Variants in SLC27A1 observed in about 807,000 individuals in gnomAD.
SLC27A1 encodes long-chain fatty acid transport protein 1.
SLC27A1 carries 61 observed loss-of-function variants against 62.2 expected under a neutral mutation model. The ratio of observed to expected loss-of-function variants is 0.98; its 90% CI spans 0.80 to 1.21. The LOEUF (loss-of-function observed/expected upper bound fraction) is 1.21, where lower values mean the gene tolerates loss of function less well. Ranked by LOEUF, SLC27A1 falls within the 50% of genes most tolerant of loss-of-function variation. The pLI is 0.00. For missense variants in SLC27A1, 903 were observed against 932.1 expected (o/e 0.97, Z 0.41); for synonymous variants, 435 against 408.6 (o/e 1.06, Z -0.78).
rs771466882 is a variant in SLC27A1 at position 17,488,863 on chromosome 19, A to T, written c.810A>T (p.Ala270=). The T allele has an allele frequency of 5.0e-6, 8 of 1,613,716 alleles. No homozygotes were observed. In the South Asian group the frequency reaches 7.7e-5, roughly 16 times the overall value. ...IVVHSRYYRM[A]AFGHHAYRMQ... is the part of the protein sequence containing the mutation. ...CCCCCTGCAGGTACTACCGCATGGC[A>T]GCCTTCGGCCACCACGCCTACCGCA... is the stretch of plus-strand genomic sequence containing the variant. Residue 270 remains alanine (A), a synonymous_variant, in exon 5 of 12, where the codon GCA becomes GCT. Coordinates refer to ENST00000252595, the MANE Select transcript of SLC27A1 (RefSeq NM_198580.3).
intron 6 of SLC27A1, 64 bp downstream of exon 6, chr19:17,489,181 T>G: frequency 7.2e-7 from 1 of 1,380,664 alleles, no homozygotes; most frequent in Non-Finnish European, 1.0e-6. Context: ...CCCCTCCCAA[T>G]CAGGCCCCAC....
intron 6 of SLC27A1, among the ~76,000 whole-genome samples, chr19:17,490,578 CCCTCCCCA>C (rs952855701): frequency 7.9e-5 from 12 of 152,070 alleles, no homozygotes; most frequent in African/African-American, 7.2e-5. Flanking sequence ...CCTGTCCTGC[CCCTCCCCA>C]CCTCCCCACA....
At chr19:17,496,257 T>C (rs771189182) in intron 6 of SLC27A1, 2 of 152,230 alleles carry the variant, frequency 1.3e-5, no homozygotes, top group Non-Finnish European at 2.9e-5. Context: ...CTCGTTCCAG[T>C]TCCTTACCAT....
Position 17,486,495 on chromosome 19 carries a change from G to T in SLC27A1, c.168-68G>T. On this transcript the variant is annotated intron_variant, in intron 1 of 11. Transcript: ENST00000252595. This position sits in a 1 kb window ranked among gnomAD's most constrained non-coding sequence, Gnocchi z 6.6. The stretch of plus-strand genomic sequence containing the variant: ...TGCCCTGGGGTCCTCCAGCGGGGAG[G>T]CTGAGGCTCCCAGAGGCCAGGCGGG... 1.3e-6 allele frequency: 2 copies of T among 1,482,596 alleles called. No homozygotes were observed. The highest frequency in any genetic ancestry group is 2.2e-5 in the Admixed American group (1 of 46,256). 91.8% of individuals were successfully genotyped at this position (1,482,596 alleles called of 1,614,324 possible).
At chr19:17,488,200 A>G (rs992716036) in intron 4 of SLC27A1, among the ~76,000 whole-genome samples, 2 of 152,148 alleles carry the variant, frequency 1.3e-5, no homozygotes, top group East Asian at 3.9e-4. Context: ...CTCTACTAAA[A>G]ATACAAAAAT....
At chr19:17,494,072 G>A (rs1314415926) in intron 6 of SLC27A1, among the ~76,000 whole-genome samples, 1 of 148,822 alleles carries the variant, frequency 6.7e-6, no homozygotes, top group African/African-American at 2.5e-5. Flanking sequence ...AGGCTGGAGT[G>A]CAGTGGCGCA....
At chr19:17,483,541 G>C (rs2075200644) in intron 1 of SLC27A1, among the ~76,000 whole-genome samples, 1 of 152,048 alleles carries the variant, frequency 6.6e-6, no homozygotes, top group African/African-American at 2.4e-5. Flanking sequence ...CCTTCTAGGG[G>C]CTTCCAGGGT....
rs540037892 is a variant in SLC27A1 at position 17,470,921 on chromosome 19, T to C, written c.167+214T>C. 9.2e-4 allele frequency among the ~76,000 whole-genome samples: 137 copies of C among 148,936 alleles called. 2 individuals are homozygous for C. Among genetic ancestry groups the C allele is most frequent in the East Asian group, 4.0e-4 (2 of 4,986 alleles). Reference sequence around the variant, plus strand: ...TCTGAGGGGGCTACAGGGGACACTTTAAGGATTTCTCGAGGAAGATGAGTA... The same window carrying C: ...TCTGAGGGGGCTACAGGGGACACTTCAAGGATTTCTCGAGGAAGATGAGTA... On this transcript the variant is annotated intron_variant, in intron 1 of 11. Transcript: ENST00000252595.
chr19:17,488,817 T>G (rs1434621757), intron 4 of SLC27A1, 31 bp from the exon 5 acceptor site: 1 of 1,601,308 alleles, frequency 6.2e-7, no homozygotes, highest in Admixed American at 1.7e-5. Flanking sequence ...GGTCCCAGCC[T>G]CTGCCCTCCC....
At chr19:17,480,189 G>A (rs373592781) in intron 1 of SLC27A1, among the ~76,000 whole-genome samples, 4 of 150,916 alleles carry the variant, frequency 2.7e-5, no homozygotes, top group South Asian at 2.1e-4. Flanking sequence ...CACCATATCC[G>A]GCTAATTTTT....
intron 1 of SLC27A1, among the ~76,000 whole-genome samples, chr19:17,472,568 C>G (rs1007680658): frequency 3.3e-5 from 5 of 151,950 alleles, no homozygotes; most frequent in African/African-American, 1.2e-4. Flanking sequence ...ACTCCGTCGC[C>G]CAGGCTGGAG....
intron 1 of SLC27A1, chr19:17,484,146 TGAAG>T (rs920058338): frequency 2.6e-5 from 4 of 151,146 alleles, no homozygotes; most frequent in Non-Finnish European, 4.4e-5. Flanking sequence ...CCTGAATGAA[TGAAG>T]GAAGGAGGGA....
At chr19:17,498,358 G>C (rs913318138) in intron 7 of SLC27A1, 2 of 152,182 alleles carry the variant, frequency 1.3e-5, no homozygotes, top group African/African-American at 4.8e-5. Flanking sequence ...AACAGAGTGA[G>C]ACTCTGTGTC....
At position 17,488,914 on chromosome 19, in the gene SLC27A1, C is replaced by A; in HGVS notation, c.861C>A (p.Asp287Glu). ...YRMQAADVLY[D>E]CLPLYHSAGN... is the part of the protein sequence containing the mutation. ...TGCAGGCGGCTGACGTGCTCTATGA[C>A]TGCCTGCCCCTGTACCACTCGGCAG... The change falls in exon 5 of 12, where the codon GAC (aspartate) becomes GAA (glutamate). Residue 287 changes from aspartate (D) to glutamate (E), a missense_variant. Asp to Glu is a conservative substitution (Grantham distance 45). Coordinates refer to ENST00000252595, the MANE Select transcript of SLC27A1 (RefSeq NM_198580.3). 6.2e-7 allele frequency: 1 copy of A among 1,614,152 alleles called. No individual in the cohort carries two copies.
Position 17,486,868 on chromosome 19 carries a change from T to C in SLC27A1, c.473T>C (p.Leu158Pro). 1.9e-6 allele frequency: 3 copies of C among 1,586,942 alleles called. No individual in the cohort carries two copies. The highest frequency in any genetic ancestry group is 2.6e-6 in the Non-Finnish European group (3 of 1,173,518). Residue 158 changes from leucine (L) to proline (P), a missense_variant, in exon 2 of 12, where the codon CTC (leucine) becomes CCC (proline). Physicochemically the swap from Leu to Pro is moderately conservative, Grantham distance 98 (BLOSUM62 -3). Coordinates refer to ENST00000252595, the MANE Select transcript of SLC27A1 (RefSeq NM_198580.3). This position sits in a 1 kb window ranked among gnomAD's most constrained non-coding sequence, Gnocchi z 6.6. ...AAGGCGGGCATGGAGGCCGCGCTGCTCAACGTGAACCTGCGGCGCGAGCCC... is the reference window on the plus strand; with the variant it reads ...AAGGCGGGCATGGAGGCCGCGCTGCCCAACGTGAACCTGCGGCGCGAGCCC... ...LAKAGMEAAL[L>P]NVNLRREPLA... is the part of the protein sequence containing the mutation.
At chr19:17,485,668 A>G (rs565679752) in intron 1 of SLC27A1, among the ~76,000 whole-genome samples, 5 of 151,896 alleles carry the variant, frequency 3.3e-5, no homozygotes, top group Non-Finnish European at 5.9e-5. Flanking sequence ...CGTCTCTACT[A>G]AAAATACAAA....
At chr19:17,481,564 C>T (rs915358151) in intron 1 of SLC27A1, among the ~76,000 whole-genome samples, 2 of 152,118 alleles carry the variant, frequency 1.3e-5, no homozygotes, top group Admixed American at 6.6e-5. Flanking sequence ...AGTGCAGTGA[C>T]ACAATCTCGG....
chr19:17,484,382 G>A (rs2075208531), intron 1 of SLC27A1, among the ~76,000 whole-genome samples: 1 of 152,188 alleles, frequency 6.6e-6, no homozygotes, highest in Non-Finnish European at 1.5e-5. Context: ...CCTGAGTCCA[G>A]TAGTTCGAGA....
intron 1 of SLC27A1, among the ~76,000 whole-genome samples, chr19:17,479,501 G>A (rs75764577): frequency 6.6e-6 from 1 of 152,172 alleles, no homozygotes; most frequent in Non-Finnish European, 1.5e-5. Flanking sequence ...TGCTTAGGGC[G>A]TTTGGTGTTT....
Sources: gnomAD v4.1 joint callset for allele counts (sites outside exome capture counted in the v4.1 genomes callset) on GRCh38, gnomAD v4.1.1 for gene constraint, Gnocchi (gnomAD v3.1) non-coding constraint, MANE v1.5 for transcripts, NCBI Gene and HGNC (gene_info 2026-07-23, HGNC 2026-07-21) for gene names.